FBXL19: variants seen among roughly 807,000 people sequenced by gnomAD.
FBXL19 encodes F-box/LRR-repeat protein 19.
A neutral mutation model predicts 71.2 loss-of-function variants in FBXL19; 16 were observed. That is an observed-to-expected ratio of 0.22 (90% CI 0.15 to 0.34). The LOEUF (loss-of-function observed/expected upper bound fraction) is 0.34, where lower values mean the gene tolerates loss of function less well. Ranked by LOEUF, FBXL19 falls within the 10% of genes least tolerant of loss-of-function variation. The pLI is 1.00. For missense variants in FBXL19, 658 were observed against 968.2 expected, an observed-to-expected ratio of 0.68 and a Z score of 4.25; for synonymous variants, 447 against 409.4, an observed-to-expected ratio of 1.09 and a Z score of -1.11.
intron 7 of FBXL19, among the ~76,000 whole-genome samples, chr16:30,940,423 A>G (rs2055790356): frequency 7.0e-6 from 1 of 143,002 alleles, no homozygotes; most frequent in Admixed American, 7.0e-5. Context: ...CTGTCTCAAG[A>G]AAAAAAAAAA....
chr16:30,942,167 A>G lies in FBXL19; in HGVS notation c.1353A>G (p.Ser451=). The change falls in exon 8 of 11, where the codon TCA becomes TCG. Residue 451 remains serine (S), a synonymous_variant. Transcript: ENST00000338343. This position sits in a 1 kb window ranked among gnomAD's most constrained non-coding sequence, Gnocchi z 5.7. ...WPRMDLSRRK[S]LTPPMLSGVV... ...GAATGGACCTGAGCCGGCGGAAGTC[A>G]CTGACCCCGCCCATGCTCAGTGGTG... 1 of 1,598,004 alleles carries G rather than the reference A, an allele frequency of 6.3e-7. No individual in the cohort carries two copies. The highest frequency in any genetic ancestry group is 8.5e-7 in the Non-Finnish European group (1 of 1,172,096).
Position 30,948,590 on chromosome 16 carries a change from G to C in FBXL19, c.*1360G>C, listed in dbSNP as rs868770864. ...TCAGGTAACAGGGAGGTGCGCGGGT[G>C]GGGGGAGGGCTGGGCGGACCAAAGG... On this transcript the variant is annotated 3_prime_UTR_variant, in exon 11 of 11. Transcript: ENST00000338343. 1.1e-4 allele frequency: 16 copies of C among 151,822 alleles called. No homozygotes were observed. Among genetic ancestry groups the C allele is most frequent in the African/African-American group, 2.2e-4 (9 of 41,318 alleles). 9.4% of individuals were successfully genotyped at this position (151,822 alleles called of 1,614,324 possible). A position where few individuals can be genotyped will look rare whatever the true frequency, so the allele number is the denominator to read the frequency against.
In FBXL19 at chr16:30,942,130, G is replaced by A. The variant is rs771105730; in HGVS notation, c.1316G>A (p.Arg439His). 6 of 1,589,356 alleles carry A rather than the reference G, an allele frequency of 3.8e-6. No homozygotes were observed. The highest frequency in any genetic ancestry group is 2.7e-5 in the African/African-American group (2 of 74,558). Residue 439 changes from arginine to histidine, a missense_variant, in exon 8 of 11, where the codon CGT (arginine) becomes CAT (histidine). Coordinates refer to ENST00000338343, the MANE Select transcript of FBXL19 (RefSeq NM_001382779.1). The surrounding 1 kb of genome is among the most constrained non-coding windows in gnomAD (Gnocchi z 5.7). The part of the protein sequence containing the change: ...RTWSRWCYDK[R>H]LWPRMDLSRR... ...ATGGCCGCCAGGTGCTATGACAAGC[G>A]TCTGTGGCCTCGAATGGACCTGAGC...
At chr16:30,928,737 C>T in intron 6 of FBXL19, 109 bp downstream of exon 6, 2 of 673,754 alleles carry the variant, frequency 3.0e-6, no homozygotes, top group East Asian at 1.7e-4. Context: ...CCCAGCCCCA[C>T]TTGGCCACGG....
intron 7 of FBXL19, among the ~76,000 whole-genome samples, chr16:30,931,538 A>G (rs2055673848): frequency 6.6e-6 from 1 of 152,182 alleles, no homozygotes; most frequent in African/African-American, 2.4e-5. Flanking sequence ...TTTGACCTTC[A>G]TAATGGCAGC....
At position 30,948,614 on chromosome 16, in the gene FBXL19, G is replaced by A. The variant is rs1555487891; in HGVS notation, c.*1384G>A. ...TGGGGGGAGGGCTGGGCGGACCAAA[G>A]GCCGGAGGGGTGGGGCCTGGGGATA... On this transcript the variant is annotated 3_prime_UTR_variant, in exon 11 of 11. Coordinates refer to ENST00000338343, the MANE Select transcript of FBXL19 (RefSeq NM_001382779.1). 1 of 151,690 alleles carries A rather than the reference G, an allele frequency of 6.6e-6. No individual in the cohort carries two copies. Among genetic ancestry groups the A allele is most frequent in the Non-Finnish European group, 1.5e-5 (1 of 67,872 alleles). 9.4% of individuals were successfully genotyped at this position (151,690 alleles called of 1,614,324 possible). A position where few individuals can be genotyped will look rare whatever the true frequency, so the allele number is the denominator to read the frequency against.
intron 2 of FBXL19, among the ~76,000 whole-genome samples, chr16:30,926,570 G>C (rs2055593677): frequency 6.6e-6 from 1 of 151,998 alleles, no homozygotes; most frequent in South Asian, 2.1e-4. Context: ...CGAGGAGCCA[G>C]CTGCATCCTG....
In FBXL19 at chr16:30,928,473, G is replaced by A; in HGVS notation, c.634G>A (p.Gly212Arg). 1 of 1,579,878 alleles carries A rather than the reference G, an allele frequency of 6.3e-7. No homozygotes were observed. Among genetic ancestry groups the A allele is most frequent in the East Asian group, 2.3e-5 (1 of 42,870 alleles). The change falls in exon 6 of 11, where the codon GGA becomes AGA. Residue 212 changes from glycine (G) to arginine (R), a missense_variant. By Grantham distance (125) the Gly-to-Arg change is moderately radical. This residue lies in a region of FBXL19 where 447 missense variants were observed against 515.4 expected (regional missense o/e 0.87). Transcript: ENST00000338343. ...CTCCCTCTCACCCTGGTAGGTGAAA[G>A]GAGGCCGAGAGAGGCACCTGAAGAA... is the stretch of plus-strand genomic sequence containing the variant. The part of the protein sequence containing the change: ...EPPTPRKKVK[G>R]GRERHLKKVG...
chr16:30,927,975 A>T lies in FBXL19; in HGVS notation c.627+12A>T. On this transcript the variant is annotated intron_variant, in intron 5 of 10. Coordinates refer to ENST00000338343, the MANE Select transcript of FBXL19 (RefSeq NM_001382779.1). The stretch of plus-strand genomic sequence containing the variant: ...CCCCAAGGAAAAAGGTGAGCCACGG[A>T]GCACGCTCACTAGGCTTGTCCTGAG... 1 of 1,472,122 alleles carries T rather than the reference A, an allele frequency of 6.8e-7. No homozygotes were observed. Among genetic ancestry groups the T allele is most frequent in the African/African-American group, 1.5e-5 (1 of 66,454 alleles). 91.2% of individuals were successfully genotyped at this position (1,472,122 alleles called of 1,614,324 possible).
chr16:30,934,317 ACACCATAGCTCTC>A (rs916915540), intron 7 of FBXL19, among the ~76,000 whole-genome samples: 2 of 150,862 alleles, frequency 1.3e-5, no homozygotes, highest in African/African-American at 4.9e-5. Flanking sequence ...GGCCGAGATC[ACACCATAGCTCTC>A]CAGCCTGGGC....
Position 30,925,707 on chromosome 16 carries a change from G to T in FBXL19, c.-24-24G>T. ...GGCCAGGGCCCCAGTGGGCCCATCT[G>T]ACCCTGCCACCATCCACCTACAGCC... is the stretch of plus-strand genomic sequence containing the variant. On this transcript the variant is annotated intron_variant, in intron 1 of 10. Coordinates refer to ENST00000338343, the MANE Select transcript of FBXL19 (RefSeq NM_001382779.1). The surrounding 1 kb of genome is among the most constrained non-coding windows in gnomAD (Gnocchi z 5.0). 1 of 1,488,480 alleles carries T rather than the reference G, an allele frequency of 6.7e-7. No individual in the cohort carries two copies. Among genetic ancestry groups the T allele is most frequent in the South Asian group, 1.3e-5 (1 of 76,656 alleles). 92.2% of individuals were successfully genotyped at this position (1,488,480 alleles called of 1,614,324 possible).
chr16:30,937,843 C>T (rs2055756112), intron 7 of FBXL19, among the ~76,000 whole-genome samples: 1 of 152,064 alleles, frequency 6.6e-6, no homozygotes, highest in South Asian at 2.1e-4. Context: ...TTCCTTCCAG[C>T]TGTGGACCGT....
In FBXL19 at chr16:30,927,966, G is replaced by T; in HGVS notation, c.627+3G>T. On this transcript the variant is annotated splice_donor_region_variant and intron_variant, in intron 5 of 10. Coordinates refer to ENST00000338343, the MANE Select transcript of FBXL19 (RefSeq NM_001382779.1). ...AGCCTCCCACCCCAAGGAAAAAGGT[G>T]AGCCACGGAGCACGCTCACTAGGCT... The T allele has an allele frequency of 6.7e-7, 1 of 1,496,428 alleles. No homozygotes were observed. The highest frequency in any genetic ancestry group is 2.3e-5 in the East Asian group (1 of 42,560). The allele number at this position is 1,496,428 out of a possible 1,614,324, so 92.7% of individuals were successfully genotyped here.
At position 30,928,537 on chromosome 16, in the gene FBXL19, C is replaced by T. The variant is rs561775075; in HGVS notation, c.698C>T (p.Pro233Leu). The T allele has an allele frequency of 1.9e-6, 3 of 1,608,628 alleles. No individual in the cohort carries two copies. The East Asian group carries it at 6.8e-5, about 36-fold the overall frequency. Residue 233 changes from proline to leucine, a missense_variant, in exon 6 of 11, where the codon CCA becomes CTA. This residue lies in a region of FBXL19 where 447 missense variants were observed against 515.4 expected (regional missense o/e 0.87). Coordinates refer to ENST00000338343, the MANE Select transcript of FBXL19 (RefSeq NM_001382779.1). ...GDACLLRGSDPGGPGLLPPRV... is the reference protein window; with the variant it reads ...GDACLLRGSDLGGPGLLPPRV... Reference sequence around the variant, plus strand: ...GCCTGCCTCCTCCGAGGATCGGACCCAGGCGGCCCGGGCCTGCTGCCCCCC... The same window carrying T: ...GCCTGCCTCCTCCGAGGATCGGACCTAGGCGGCCCGGGCCTGCTGCCCCCC...
intron 7 of FBXL19, among the ~76,000 whole-genome samples, chr16:30,941,854 G>A (rs914447370): frequency 6.6e-6 from 1 of 152,200 alleles, no homozygotes; most frequent in African/African-American, 2.4e-5. Context: ...AGGCAGAGTG[G>A]GGGGGCTATT....
chr16:30,925,061 G>T lies in FBXL19; in HGVS notation c.-25+602G>T, dbSNP rs2143301473. 6.6e-6 allele frequency among the ~76,000 whole-genome samples: 1 copy of T among 152,326 alleles called. No homozygotes were observed. Among genetic ancestry groups the T allele is most frequent in the East Asian group, 1.9e-4 (1 of 5,182 alleles). The stretch of plus-strand genomic sequence containing the variant: ...GGAACAAGAGGGGCTGAGATCTTGG[G>T]CTGAGAAGGGTCTCTGAAGAAGCAT... On this transcript the variant is annotated intron_variant, in intron 1 of 10. Transcript: ENST00000338343. This position sits in a 1 kb window ranked among gnomAD's most constrained non-coding sequence, Gnocchi z 5.0.
chr16:30,925,236 G>C lies in FBXL19; in HGVS notation c.-24-495G>C, dbSNP rs926866013. ...CTGTGGATGAAAAGGTTGGTGGGGC[G>C]GGGGGGAGGAAAAGTCCGGAGCTTC... On this transcript the variant is annotated intron_variant, in intron 1 of 10. Transcript: ENST00000338343. The surrounding 1 kb of genome is among the most constrained non-coding windows in gnomAD (Gnocchi z 5.0). Among the ~76,000 whole-genome samples, 3 of 151,948 alleles carry C rather than the reference G, an allele frequency of 2.0e-5. No individual in the cohort carries two copies. The highest frequency in any genetic ancestry group is 2.4e-5 in the African/African-American group (1 of 41,358).
rs2055815644 is a variant in FBXL19, at chr16:30,942,636, GAAGA to G, written c.1627+104_1627+107del. ...ACTCATGCTGGATGGTAAAGTATTT[GAAGA>G]AAGGAAAGAATACATGAGTTTGAAT... On this transcript the variant is annotated intron_variant, in intron 9 of 10. Coordinates refer to ENST00000338343, the MANE Select transcript of FBXL19 (RefSeq NM_001382779.1). This position sits in a 1 kb window ranked among gnomAD's most constrained non-coding sequence, Gnocchi z 5.7. The G allele has an allele frequency of 1.5e-5, 22 of 1,433,118 alleles. No individual in the cohort carries two copies. Among genetic ancestry groups the G allele is most frequent in the Non-Finnish European group, 1.9e-5 (21 of 1,095,254 alleles). The allele number at this position is 1,433,118 out of a possible 1,614,324, so 88.8% of individuals were successfully genotyped here.
Position 30,942,367 on chromosome 16 carries a change from C to T in FBXL19, c.1466-8C>T, listed in dbSNP as rs766060075. 8 of 1,607,604 alleles carry T rather than the reference C, an allele frequency of 5.0e-6. No homozygotes were observed. The highest frequency in any genetic ancestry group is 2.2e-5 in the South Asian group (2 of 90,010). ...AGCACCTGCTTCCTGACTGCCCCCT[C>T]TCCGCAGGCCTGCAGGAGCTGGTGC... On this transcript the variant is annotated splice_polypyrimidine_tract_variant and splice_region_variant and intron_variant, in intron 8 of 10. Transcript: ENST00000338343. This position sits in a 1 kb window ranked among gnomAD's most constrained non-coding sequence, Gnocchi z 5.7.
Sources: allele counts gnomAD v4.1 joint callset (sites outside exome capture counted in the v4.1 genomes callset), GRCh38; gene constraint gnomAD v4.1.1; regional missense constraint gnomAD v4.1.1; non-coding constraint Gnocchi (gnomAD v3.1); transcripts MANE v1.5; gene names NCBI Gene and HGNC (gene_info 2026-07-23, HGNC 2026-07-21).